Variants in SLAIN2 observed in about 807,000 individuals in gnomAD.
The protein encoded by SLAIN2 is SLAIN family member 2.
A neutral mutation model predicts 56.6 loss-of-function variants in SLAIN2; 31 were observed. That is an observed-to-expected ratio of 0.55 (90% CI 0.41 to 0.74). The LOEUF (loss-of-function observed/expected upper bound fraction) is 0.74, where lower values mean the gene tolerates loss of function less well. Ranked by LOEUF, SLAIN2 falls within the 30% of genes least tolerant of loss-of-function variation. The pLI, the probability that SLAIN2 is intolerant of heterozygous loss-of-function variation, is 0.00. For synonymous variants in SLAIN2, 317 were observed against 284.9 expected (o/e 1.11, Z -1.13); for missense variants, 777 against 754.2 (o/e 1.03, Z -0.35).
At chr4:48,343,780 A>G (rs1714790624) in intron 1 of SLAIN2, among the ~76,000 whole-genome samples, 1 of 152,226 alleles carries the variant, frequency 6.6e-6, no homozygotes, top group African/African-American at 2.4e-5. Context: ...TGAGTATATG[A>G]TGACATACCT....
At position 48,353,545 on chromosome 4, in the gene SLAIN2, G is replaced by A. The variant is rs1219613166; in HGVS notation, c.389+11417G>A. Among the ~76,000 whole-genome samples the A allele has an allele frequency of 2.6e-5, 4 of 152,130 alleles. No individual in the cohort carries two copies. The South Asian group carries it at 6.2e-4, about 24-fold the overall frequency. On this transcript the variant is annotated intron_variant, in intron 1 of 7. Transcript: ENST00000264313. Reference sequence around the variant, plus strand: ...AGAATCCGTGGGTTAAACTCTCCACGATGCATGAAACAAACATTTATTTGG... The same window carrying A: ...AGAATCCGTGGGTTAAACTCTCCACAATGCATGAAACAAACATTTATTTGG...
At chr4:48,344,049 G>A (rs1379321318) in intron 1 of SLAIN2, among the ~76,000 whole-genome samples, 2 of 151,338 alleles carry the variant, frequency 1.3e-5, no homozygotes, top group Non-Finnish European at 2.9e-5. Context: ...TGGGGAAGCC[G>A]ATTAAGTCTT....
At chr4:48,399,634 G>A (rs1187038400) in intron 6 of SLAIN2, among the ~76,000 whole-genome samples, 6 of 152,144 alleles carry the variant, frequency 3.9e-5, no homozygotes, top group African/African-American at 1.4e-4. Flanking sequence ...GATATTGGCT[G>A]TGGGTTTGTC....
rs775250210 is a variant in SLAIN2 at position 48,422,034 on chromosome 4, A to G, written c.1703A>G (p.Tyr568Cys). The part of the protein sequence containing the change: ...VRRSLPAPKT[Y>C]GSMKDDSWKD... Reference sequence around the variant, plus strand: ...AGATCCTTGCCAGCTCCTAAAACCTATGGTAGCATGAAAGATGACAGTTGG... The same window carrying G: ...AGATCCTTGCCAGCTCCTAAAACCTGTGGTAGCATGAAAGATGACAGTTGG... Residue 568 changes from tyrosine to cysteine, a missense_variant, in exon 8 of 8, where the codon TAT becomes TGT. Physicochemically the swap from Tyr to Cys is radical, Grantham distance 194. Coordinates refer to ENST00000264313, the MANE Select transcript of SLAIN2 (RefSeq NM_020846.2). The G allele has an allele frequency of 2.0e-5, 33 of 1,610,662 alleles. No homozygotes were observed. Among genetic ancestry groups the G allele is most frequent in the African/African-American group, 2.7e-5 (2 of 74,862 alleles).
intron 1 of SLAIN2, 101 bp from the exon 2 acceptor site, chr4:48,369,748 T>C: frequency 4.8e-6 from 5 of 1,038,640 alleles, no homozygotes; most frequent in Non-Finnish European, 6.9e-6. Flanking sequence ...TCCATGACTT[T>C]TACTCCCTTC....
Position 48,420,456 on chromosome 4 carries a change from TG to T in SLAIN2, c.1679+14del. 6.2e-7 allele frequency: 1 copy of T among 1,612,308 alleles called. No individual in the cohort carries two copies. The highest frequency in any genetic ancestry group is 8.5e-7 in the Non-Finnish European group (1 of 1,178,646). ...AGCCTGTTCGCAGGTAAGTGGCAGA[TG>T]TTCTGTTTCAGCATTCTTGAGTGCC... On this transcript the variant is annotated intron_variant, in intron 7 of 7. Coordinates refer to ENST00000264313, the MANE Select transcript of SLAIN2 (RefSeq NM_020846.2).
chr4:48,359,729 T>C (rs1715265346), intron 1 of SLAIN2, among the ~76,000 whole-genome samples: 2 of 152,250 alleles, frequency 1.3e-5, no homozygotes, highest in African/African-American at 2.4e-5. Context: ...CTTAGTTGTC[T>C]TTAATCACCA....
At chr4:48,383,010 T>C in intron 5 of SLAIN2, 83 bp downstream of exon 5, 1 of 1,412,256 alleles carries the variant, frequency 7.1e-7, no homozygotes. Context: ...AGGAAAAAAA[T>C]TTTCAAAATT....
chr4:48,379,933 G>A (rs959455248), intron 4 of SLAIN2, 85 bp downstream of exon 4: 7 of 1,188,082 alleles, frequency 5.9e-6, no homozygotes, highest in African/African-American at 1.6e-5. Flanking sequence ...AGTATTGTGG[G>A]GGTAGTAATG....
At position 48,371,216 on chromosome 4, in the gene SLAIN2, G is replaced by T. The variant is rs1308380790; in HGVS notation, c.538+1219G>T. Among the ~76,000 whole-genome samples, 5 of 151,490 alleles carry T rather than the reference G, an allele frequency of 3.3e-5. No individual in the cohort carries two copies. The East Asian group carries it at 9.7e-4, about 29-fold the overall frequency. ...AGCCTCCCGAGTAGCTGGGACTAAG[G>T]TGCCCACCACCACTCCTGGCTAATT... On this transcript the variant is annotated intron_variant, in intron 2 of 7. Transcript: ENST00000264313.
chr4:48,382,237 T>C (rs1312836989), intron 4 of SLAIN2, among the ~76,000 whole-genome samples: 2 of 152,106 alleles, frequency 1.3e-5, no homozygotes, highest in African/African-American at 2.4e-5. Flanking sequence ...CCTTTAATAT[T>C]AGTCTCAAAT....
At chr4:48,412,069 T>C (rs994115680) in intron 6 of SLAIN2, among the ~76,000 whole-genome samples, 4 of 152,204 alleles carry the variant, frequency 2.6e-5, no homozygotes, top group African/African-American at 9.6e-5. Context: ...CTCATAATTA[T>C]GTTTCTTAAT....
intron 4 of SLAIN2, among the ~76,000 whole-genome samples, chr4:48,380,257 C>T (rs1715934380): frequency 6.6e-6 from 1 of 151,986 alleles, no homozygotes; most frequent in South Asian, 2.1e-4. Context: ...TTTTCCTTTT[C>T]TCCCACACTC....
At chr4:48,359,803 C>T (rs1295488008) in intron 1 of SLAIN2, among the ~76,000 whole-genome samples, 2 of 152,156 alleles carry the variant, frequency 1.3e-5, no homozygotes, top group Non-Finnish European at 2.9e-5. Context: ...CTTTATATAA[C>T]TTTATTCTTA....
At chr4:48,383,066 G>T in intron 5 of SLAIN2, 139 bp downstream of exon 5, 2 of 900,358 alleles carry the variant, frequency 2.2e-6, no homozygotes, top group South Asian at 4.0e-5. Flanking sequence ...GACTTGAGAG[G>T]CTGAGGCTGG....
intron 6 of SLAIN2, among the ~76,000 whole-genome samples, chr4:48,396,735 C>T (rs1480478637): frequency 1.3e-5 from 2 of 152,066 alleles, no homozygotes; most frequent in Non-Finnish European, 2.9e-5. Context: ...TGAACCTGTA[C>T]AATTGTCTAG....
rs1717257344 is a variant in SLAIN2, at chr4:48,424,784, T to G, written c.*2707T>G. The G allele has an allele frequency of 6.6e-6, 1 of 152,114 alleles. No homozygotes were observed. The allele number at this position is 152,114 out of a possible 1,614,324, so 9.4% of individuals were successfully genotyped here. A position where few individuals can be genotyped will look rare whatever the true frequency, so the allele number is the denominator to read the frequency against. On this transcript the variant is annotated 3_prime_UTR_variant, in exon 8 of 8. Transcript: ENST00000264313. ...ACTTTTATAAAAAAAAAAAGTTTTT[T>G]TGAAAGAAAATTAGATACATATGTG... is the stretch of plus-strand genomic sequence containing the variant.
chr4:48,344,877 C>T (rs1714821606), intron 1 of SLAIN2, among the ~76,000 whole-genome samples: 2 of 152,110 alleles, frequency 1.3e-5, no homozygotes, highest in Admixed American at 1.3e-4. Flanking sequence ...GGTTACTCCC[C>T]AGCTAAGCTG....
At chr4:48,343,392 T>TA in intron 1 of SLAIN2, among the ~76,000 whole-genome samples, 1 of 152,382 alleles carries the variant, frequency 6.6e-6, no homozygotes, top group Non-Finnish European at 1.5e-5. Context: ...TGCTATTTGT[T>TA]ACTCTTAAGC....
Sources: allele counts gnomAD v4.1 joint callset (sites outside exome capture counted in the v4.1 genomes callset), GRCh38; gene constraint gnomAD v4.1.1; transcripts MANE v1.5; gene names NCBI Gene and HGNC (gene_info 2026-07-23, HGNC 2026-07-21).